Variants in HAO2 observed in about 807,000 individuals in gnomAD.
HAO2 encodes the protein hydroxyacid oxidase 2.
HAO2 carries 42 observed loss-of-function variants against 37.4 expected under a neutral mutation model. The ratio of observed to expected loss-of-function variants is 1.12; its 90% CI spans 0.88 to 1.45. HAO2 has a LOEUF of 1.45. Ranked by LOEUF, HAO2 falls within the 40% of genes most tolerant of loss-of-function variation. The probability of loss-of-function intolerance (pLI) is 0.00; values close to 1 mark genes in which losing one functional copy is unlikely to be tolerated. For synonymous variants in HAO2, 180 were observed against 162.8 expected, an observed-to-expected ratio of 1.11 and a Z score of -0.81; for missense variants, 476 against 430.2, an observed-to-expected ratio of 1.11 and a Z score of -0.94.
Position 119,381,235 on chromosome 1 carries a change from T to A in HAO2, c.131+19T>A. 1 of 1,594,536 alleles carries A rather than the reference T, an allele frequency of 6.3e-7. No individual in the cohort carries two copies. Among genetic ancestry groups the A allele is most frequent in the African/African-American group, 1.3e-5 (1 of 74,670 alleles). The stretch of plus-strand genomic sequence containing the variant: ...TTAAAAGGTGTGGTCTTCTGTAGCC[T>A]GTCTATTGTTAGGTTAAGGTGCACT... On this transcript the variant is annotated intron_variant, in intron 2 of 7. Transcript: ENST00000325945.
chr1:119,373,384 C>T lies in HAO2; in HGVS notation c.-9+4482C>T, dbSNP rs150705056. ...CCAGAAGCAATTTCAAGAGTCATAT[C>T]GTATTTCAGAAAGAACCCTAAATGC... is the stretch of plus-strand genomic sequence containing the variant. On this transcript the variant is annotated intron_variant, in intron 1 of 7. Transcript: ENST00000325945. 9.9e-5 allele frequency among the ~76,000 whole-genome samples: 15 copies of T among 152,204 alleles called. No individual in the cohort carries two copies. In the East Asian group the frequency reaches 1.7e-3, roughly 18 times the overall value.
intron 1 of HAO2, chr1:119,380,577 G>A (rs1349322933): frequency 2.8e-6 from 2 of 708,512 alleles, no homozygotes; most frequent in Non-Finnish European, 5.0e-6. Context: ...AAATGAAGCT[G>A]GTGAGGCAGT....
In HAO2 at chr1:119,369,470, C is replaced by T. The variant is rs115323818; in HGVS notation, c.-9+568C>T. The stretch of plus-strand genomic sequence containing the variant: ...TCAACCTGCGGAGAACTGCCAAGAA[C>T]GCTAATGAAGACAGGGAGGTACTGG... On this transcript the variant is annotated intron_variant, in intron 1 of 7. Transcript: ENST00000325945. 4.0e-3 allele frequency among the ~76,000 whole-genome samples: 602 copies of T among 152,234 alleles called. 3 individuals are homozygous for T. The highest frequency in any genetic ancestry group is 7.1e-3 in the Admixed American group (108 of 15,296).
intron 5 of HAO2, among the ~76,000 whole-genome samples, chr1:119,388,945 GT>G (rs1312859678): frequency 6.7e-6 from 1 of 149,490 alleles, no homozygotes; most frequent in African/African-American, 2.5e-5. Flanking sequence ...TTCTCCCTTA[GT>G]CCCCAAAGTA....
chr1:119,387,914 G>A (rs1020071049), intron 5 of HAO2, among the ~76,000 whole-genome samples: 3 of 152,116 alleles, frequency 2.0e-5, no homozygotes, highest in Admixed American at 2.0e-4. Context: ...TCCAAGACAC[G>A]TGATGCTTGG....
chr1:119,372,986 T>C (rs1009125067), intron 1 of HAO2, among the ~76,000 whole-genome samples: 1 of 152,236 alleles, frequency 6.6e-6, no homozygotes, highest in Non-Finnish European at 1.5e-5. Context: ...GCTTCAAATC[T>C]ATCATGGATT....
chr1:119,388,216 C>A (rs74855765), intron 5 of HAO2, among the ~76,000 whole-genome samples: 1 of 152,058 alleles, frequency 6.6e-6, no homozygotes, highest in Non-Finnish European at 1.5e-5. Context: ...CATAGCATGC[C>A]CTGGGTCATC....
rs753947671 is a variant in HAO2 at position 119,393,786 on chromosome 1, C to T, written c.1002C>T (p.Gly334=). 6 of 1,612,976 alleles carry T rather than the reference C, an allele frequency of 3.7e-6. No individual in the cohort carries two copies. Among genetic ancestry groups the T allele is most frequent in the Admixed American group, 1.7e-5 (1 of 59,940 alleles). ...NEFHTSMALT[G]CRSVAEINRN... ...CTTGTAACCACATTGTTCTTTTAGGCTGCCGGTCGGTCGCTGAGATCAATC... is the reference window on the plus strand; with the variant it reads ...CTTGTAACCACATTGTTCTTTTAGGTTGCCGGTCGGTCGCTGAGATCAATC... The change falls in exon 8 of 8, where the codon GGC becomes GGT. Residue 334 remains glycine (G), a splice_region_variant and synonymous_variant. Transcript: ENST00000325945.
Position 119,382,845 on chromosome 1 carries a change from C to T in HAO2, c.132-70C>T, listed in dbSNP as rs41313280. 5.3e-3 allele frequency: 7,614 copies of T among 1,437,496 alleles called. 36 individuals are homozygous for T. Among genetic ancestry groups the T allele is most frequent in the South Asian group, 9.3e-3 (717 of 76,836 alleles). The allele number at this position is 1,437,496 out of a possible 1,614,324, so 89.0% of individuals were successfully genotyped here. ...ACTTGTATCAGGAATCAGGGGGGTC[C>T]ACCCCAGACAACGCCTCCCTGCTGC... On this transcript the variant is annotated intron_variant, in intron 2 of 7. Coordinates refer to ENST00000325945, the MANE Select transcript of HAO2 (RefSeq NM_016527.4).
intron 1 of HAO2, among the ~76,000 whole-genome samples, chr1:119,373,292 G>C (rs1451759976): frequency 6.6e-6 from 1 of 151,344 alleles, no homozygotes; most frequent in Admixed American, 6.6e-5. Context: ...TAGAAATCTT[G>C]GGTCTGTGCT....
At position 119,383,072 on chromosome 1, in the gene HAO2, A is replaced by G. The variant is rs1476556471; in HGVS notation, c.283+6A>G. On this transcript the variant is annotated splice_donor_region_variant and intron_variant, in intron 3 of 7. Coordinates refer to ENST00000325945, the MANE Select transcript of HAO2 (RefSeq NM_016527.4). Reference sequence around the variant, plus strand: ...GGAAATGAGCACAGCAAGAGGTATGAACCATCCCCACCTCGAGGCTCCTTT... The same window carrying G: ...GGAAATGAGCACAGCAAGAGGTATGGACCATCCCCACCTCGAGGCTCCTTT... The G allele has an allele frequency of 5.0e-6, 8 of 1,607,752 alleles. No individual in the cohort carries two copies. Among genetic ancestry groups the G allele is most frequent in the Non-Finnish European group, 6.8e-6 (8 of 1,176,346 alleles).
At chr1:119,369,265 C>T (rs1648763525) in intron 1 of HAO2, among the ~76,000 whole-genome samples, 1 of 152,196 alleles carries the variant, frequency 6.6e-6, no homozygotes, top group African/African-American at 2.4e-5. Context: ...AGTATTCTGA[C>T]CACTGCTTCC....
Position 119,382,910 on chromosome 1 carries a change from C to T in HAO2, c.132-5C>T, listed in dbSNP as rs1650069888. On this transcript the variant is annotated splice_region_variant and splice_polypyrimidine_tract_variant and intron_variant, in intron 2 of 7. Transcript: ENST00000325945. Reference sequence around the variant, plus strand: ...AACAGAAGATCTCTTTGTTGTCCGGCACAGAATTCGCCTCCGTCCGCGGTA... The same window carrying T: ...AACAGAAGATCTCTTTGTTGTCCGGTACAGAATTCGCCTCCGTCCGCGGTA... 1 of 1,612,678 alleles carries T rather than the reference C, an allele frequency of 6.2e-7. No homozygotes were observed. Among genetic ancestry groups the T allele is most frequent in the Admixed American group, 1.7e-5 (1 of 59,968 alleles).
chr1:119,390,526 G>A (rs1650797096), intron 5 of HAO2, among the ~76,000 whole-genome samples: 1 of 152,224 alleles, frequency 6.6e-6, no homozygotes, highest in Admixed American at 6.5e-5. Context: ...TGGAATTATA[G>A]GCATGAGCCA....
intron 5 of HAO2, 149 bp downstream of exon 5, chr1:119,386,980 CTG>C (rs10585699): frequency 0.012 from 7,707 of 625,890 alleles, 392 homozygotes; most frequent in African/African-American, 0.12. Flanking sequence ...ATTTTAAGGA[CTG>C]TTAATTATTA....
chr1:119,380,603 A>G, intron 1 of HAO2: 1 of 890,998 alleles, frequency 1.1e-6, no homozygotes, highest in Non-Finnish European at 1.8e-6. Context: ...TCCAGGGCCT[A>G]GAAAGCTGGG....
chr1:119,380,737 A>C, intron 1 of HAO2: 1 of 1,567,008 alleles, frequency 6.4e-7, no homozygotes, highest in Non-Finnish European at 8.8e-7. Context: ...AGATACAAAA[A>C]TAAGAATTTT....
chr1:119,381,674 G>A (rs1340890749), intron 2 of HAO2, among the ~76,000 whole-genome samples: 1 of 152,110 alleles, frequency 6.6e-6, no homozygotes, highest in Non-Finnish European at 1.5e-5. Flanking sequence ...GAGAAGAGTT[G>A]GTCTGAAAAA....
chr1:119,388,533 ATTTGGCTTC>A (rs1263365863), intron 5 of HAO2, among the ~76,000 whole-genome samples: 1 of 152,180 alleles, frequency 6.6e-6, no homozygotes, highest in Non-Finnish European at 1.5e-5. Flanking sequence ...CTCCCAAGCC[ATTTGGCTTC>A]ACATCCAAAC....
Sources: gnomAD v4.1 joint callset for allele counts (sites outside exome capture counted in the v4.1 genomes callset) on GRCh38, gnomAD v4.1.1 for gene constraint, MANE v1.5 for transcripts, NCBI Gene and HGNC (gene_info 2026-07-23, HGNC 2026-07-21) for gene names.